Variants in EED observed in about 807,000 individuals in gnomAD.
EED encodes the protein polycomb protein EED.
EED carries 9 observed loss-of-function variants against 61.0 expected under a neutral mutation model. The observed-to-expected ratio is 0.15, with a 90% confidence interval of 0.09 to 0.26. EED has a LOEUF of 0.26. EED is among the 10% of genes least tolerant of loss of function. EED has a pLI of 1.00. For synonymous variants in EED, 187 were observed against 174.4 expected, an observed-to-expected ratio of 1.07 and a Z score of -0.57; for missense variants, 315 against 542.3, an observed-to-expected ratio of 0.58 and a Z score of 4.16.
At chr11:86,264,549 A>G in intron 7 of EED, 2 of 265,832 alleles carry the variant, frequency 7.5e-6, no homozygotes, top group Non-Finnish European at 1.4e-5. Flanking sequence ...CACTAAGTTA[A>G]TGTTTGTTTT....
intron 6 of EED, among the ~76,000 whole-genome samples, chr11:86,260,331 A>G (rs537907269): frequency 7.6e-4 from 115 of 152,296 alleles, no homozygotes; most frequent in Non-Finnish European, 1.4e-3. Flanking sequence ...GCCTCAAGCA[A>G]TGTTCCCACC....
chr11:86,278,144 A>G, intron 11 of EED, 153 bp downstream of exon 11: 6 of 1,340,010 alleles, frequency 4.5e-6, no homozygotes, highest in South Asian at 4.9e-5. Flanking sequence ...TTTTATTCCA[A>G]TAATTTTTGT....
At chr11:86,266,316 A>T in intron 8 of EED, 100 bp downstream of exon 8, 1 of 1,055,476 alleles carries the variant, frequency 9.5e-7, no homozygotes, top group Non-Finnish European at 1.3e-6. Flanking sequence ...CAATGAGTTT[A>T]GAAGACCTTC....
chr11:86,270,089 C>G (rs772998689), intron 9 of EED: 45 of 698,270 alleles, frequency 6.4e-5, no homozygotes, highest in Non-Finnish European at 1.6e-5. Flanking sequence ...CCAGAGTGGC[C>G]GTGCCATTTT....
intron 1 of EED, among the ~76,000 whole-genome samples, chr11:86,248,034 T>A (rs1028528221): frequency 2.0e-5 from 3 of 152,186 alleles, no homozygotes; most frequent in Admixed American, 1.3e-4. Context: ...TCTTTTTGCT[T>A]AAGCAAAAGC....
chr11:86,283,225 G>C (rs1331222919), downstream of EED, among the ~76,000 whole-genome samples: 1 of 152,074 alleles, frequency 6.6e-6, no homozygotes, highest in Non-Finnish European at 1.5e-5. Flanking sequence ...AAGATCACCA[G>C]ATTGACAATG....
rs1294678990 is a variant in EED at position 86,252,128 on chromosome 11, A to G, written c.268-20A>G. Reference sequence around the variant, plus strand: ...TTGTAAGATACATTAATCTTTTCTTATTTCATGATTATTTTATAGGAAGAT... The same window carrying G: ...TTGTAAGATACATTAATCTTTTCTTGTTTCATGATTATTTTATAGGAAGAT... On this transcript the variant is annotated intron_variant, in intron 2 of 11. Coordinates refer to ENST00000263360, the MANE Select transcript of EED (RefSeq NM_003797.5). 5 of 1,593,114 alleles carry G rather than the reference A, an allele frequency of 3.1e-6. No homozygotes were observed. The African/African-American group carries it at 6.7e-5, about 21-fold the overall frequency.
chr11:86,278,957 G>A (rs1430395705), downstream of EED: 1 of 172,836 alleles, frequency 5.8e-6, no homozygotes, highest in Non-Finnish European at 1.2e-5. Context: ...TTGGTTCCTT[G>A]TGTATAAAAC....
intron 2 of EED, 114 bp downstream of exon 2, chr11:86,250,562 C>G (rs147899624): frequency 8.5e-7 from 1 of 1,183,356 alleles, no homozygotes; most frequent in Admixed American, 3.6e-5. Flanking sequence ...TTTAAAGTTA[C>G]AATGTTTTCT....
chr11:86,245,217 G>T lies in EED; in HGVS notation c.-13G>T. Reference sequence around the variant, plus strand: ...GCCCCAGGCGGCAGGAACCTGGAGGGAGGCGGAGGAATATGTCCGAGAGGG... The same window carrying T: ...GCCCCAGGCGGCAGGAACCTGGAGGTAGGCGGAGGAATATGTCCGAGAGGG... On this transcript the variant is annotated 5_prime_UTR_variant, in exon 1 of 12. Coordinates refer to ENST00000263360, the MANE Select transcript of EED (RefSeq NM_003797.5). 1.9e-6 allele frequency: 3 copies of T among 1,609,728 alleles called. No homozygotes were observed. The highest frequency in any genetic ancestry group is 1.7e-5 in the Admixed American group (1 of 59,658).
chr11:86,259,774 A>C (rs1423536133), intron 6 of EED, among the ~76,000 whole-genome samples: 1 of 152,210 alleles, frequency 6.6e-6, no homozygotes, highest in Non-Finnish European at 1.5e-5. Flanking sequence ...TCATTAAGGA[A>C]ATACAAATCA....
chr11:86,262,307 A>G (rs1033510068), intron 6 of EED, among the ~76,000 whole-genome samples: 6 of 152,198 alleles, frequency 3.9e-5, no homozygotes, highest in Admixed American at 1.3e-4. Context: ...AGAAGAAGCC[A>G]TGCATCACTG....
chr11:86,249,545 TC>T (rs1210483123), intron 1 of EED, among the ~76,000 whole-genome samples: 1 of 152,190 alleles, frequency 6.6e-6, no homozygotes, highest in Non-Finnish European at 1.5e-5. Context: ...AGAGGGCCAC[TC>T]GTGTGTGAGA....
intron 9 of EED, chr11:86,276,642 A>C (rs1251038930): frequency 6.0e-6 from 1 of 166,726 alleles, no homozygotes; most frequent in Non-Finnish European, 1.3e-5. Flanking sequence ...GTGTGTTTGT[A>C]ATTGACCTGT....
At chr11:86,260,404 T>C (rs1162249996) in intron 6 of EED, among the ~76,000 whole-genome samples, 1 of 14,018 alleles carries the variant, frequency 7.1e-5, no homozygotes, top group African/African-American at 1.6e-4. Flanking sequence ...TTTTTAAAAA[T>C]TTTTTGTAGA....
intron 6 of EED, among the ~76,000 whole-genome samples, chr11:86,262,456 T>G (rs567245859): frequency 3.3e-5 from 5 of 152,214 alleles, no homozygotes; most frequent in Non-Finnish European, 7.3e-5. Flanking sequence ...TGGCTTTTAT[T>G]TATTTATTTA....
chr11:86,254,349 C>A (rs1945614409), intron 3 of EED, among the ~76,000 whole-genome samples: 1 of 139,940 alleles, frequency 7.1e-6, no homozygotes, highest in Non-Finnish European at 1.5e-5. Context: ...GAGACTGAGT[C>A]TCTCTCTGTT....
the EED span, chr11:86,283,945 G>A: frequency 6.6e-6 from 1 of 152,098 alleles, no homozygotes; most frequent in East Asian, 1.9e-4. Context: ...ATGTGGGCAT[G>A]TATGATAGAG....
rs977201563 is a variant in EED at position 86,244,973 on chromosome 11, C to G, written c.-257C>G. The G allele has an allele frequency of 1.6e-4, 63 of 406,048 alleles. No homozygotes were observed. Among genetic ancestry groups the G allele is most frequent in the Non-Finnish European group, 2.5e-4 (56 of 227,078 alleles). 25.2% of individuals were successfully genotyped at this position (406,048 alleles called of 1,614,324 possible). On this transcript the variant is annotated 5_prime_UTR_variant, in exon 1 of 12. Transcript: ENST00000263360. The stretch of plus-strand genomic sequence containing the variant: ...TGCCGGGAGGGCGGCGGGAAAAGGG[C>G]AAGACGGGAGTTGGGGAAGGGAAGG...
Sources: allele counts gnomAD v4.1 joint callset (sites outside exome capture counted in the v4.1 genomes callset), GRCh38; gene constraint gnomAD v4.1.1; transcripts MANE v1.5; gene names NCBI Gene and HGNC (gene_info 2026-07-23, HGNC 2026-07-21).